Variants in CHRM2 observed in about 807,000 individuals in gnomAD.
The protein encoded by CHRM2 is cholinergic receptor muscarinic 2.
A neutral mutation model predicts 25.0 loss-of-function variants in CHRM2; 8 were observed. That is an observed-to-expected ratio of 0.32 (90% CI 0.19 to 0.58). The LOEUF (loss-of-function observed/expected upper bound fraction) is 0.58. CHRM2 is among the 20% of genes least tolerant of loss of function. CHRM2 has a pLI of 0.88. For synonymous variants in CHRM2, 202 were observed against 205.7 expected, an observed-to-expected ratio of 0.98 and a Z score of 0.15; for missense variants, 440 against 567.1, an observed-to-expected ratio of 0.78 and a Z score of 2.28.
rs117629225 is a variant in CHRM2, at chr7:136,888,758, A to G, written c.-125+19340A>G. On this transcript the variant is annotated intron_variant, in intron 2 of 3. Transcript: ENST00000680005. ...AAAGAATATTGGCGTGCTTGTTCCA[A>G]TTAAAAGTAATTACCAATTCAATCA... Among the ~76,000 whole-genome samples, 487 of 152,300 alleles carry G rather than the reference A, an allele frequency of 3.2e-3. 6 individuals are homozygous for G. The East Asian group carries it at 0.039, about 12-fold the overall frequency.
chr7:136,925,636 T>A (rs1246077161), intron 2 of CHRM2, among the ~76,000 whole-genome samples: 1 of 151,956 alleles, frequency 6.6e-6, no homozygotes, highest in Non-Finnish European at 1.5e-5. Flanking sequence ...TAAGAGAGGA[T>A]CCCACCCCAT....
At chr7:136,943,014 C>A (rs915714964) in intron 2 of CHRM2, among the ~76,000 whole-genome samples, 2 of 152,120 alleles carry the variant, frequency 1.3e-5, no homozygotes, top group South Asian at 2.1e-4. Context: ...TAGAGGTCAA[C>A]AAGCCCAGCT....
rs185662453 is a variant in CHRM2 at position 136,932,926 on chromosome 7, A to C, written c.-124-59261A>C. ...GCACCTGTAGTCCCAGCTACTCAGG[A>C]GGCTGAGGCAGGAGAATCACTTAAA... On this transcript the variant is annotated intron_variant, in intron 2 of 3. Transcript: ENST00000680005. 1.8e-3 allele frequency among the ~76,000 whole-genome samples: 267 copies of C among 152,254 alleles called. 10 individuals are homozygous for C. The East Asian group carries it at 0.047, about 27-fold the overall frequency.
chr7:137,011,406 G>C (rs1438293041), intron 3 of CHRM2, among the ~76,000 whole-genome samples: 1 of 151,708 alleles, frequency 6.6e-6, no homozygotes, highest in Non-Finnish European at 1.5e-5. Flanking sequence ...AGCACCCTAG[G>C]GCTCCTGGTG....
At chr7:136,926,833 T>C (rs1322384554) in intron 2 of CHRM2, among the ~76,000 whole-genome samples, 1 of 152,206 alleles carries the variant, frequency 6.6e-6, no homozygotes, top group African/African-American at 2.4e-5. Flanking sequence ...AGCTGTCAGA[T>C]GTATGGAGAC....
intron 2 of CHRM2, among the ~76,000 whole-genome samples, chr7:136,900,892 C>A (rs1434702045): frequency 1.3e-5 from 2 of 151,870 alleles, no homozygotes; most frequent in Admixed American, 1.3e-4. Flanking sequence ...ACTGAAAGAT[C>A]TGAATGATAT....
intron 2 of CHRM2, among the ~76,000 whole-genome samples, chr7:136,956,530 A>G (rs1170260068): frequency 1.3e-5 from 2 of 152,184 alleles, no homozygotes; most frequent in South Asian, 2.1e-4. Flanking sequence ...CAATATGTAA[A>G]ACAGATACAA....
At chr7:136,941,857 C>T (rs1050432814) in intron 2 of CHRM2, among the ~76,000 whole-genome samples, 1 of 152,076 alleles carries the variant, frequency 6.6e-6, no homozygotes, top group Admixed American at 6.6e-5. Context: ...TTTAGAGGGA[C>T]AATTGTAGGG....
At chr7:136,916,447 T>C (rs1380803716) in intron 2 of CHRM2, among the ~76,000 whole-genome samples, 1 of 151,886 alleles carries the variant, frequency 6.6e-6, no homozygotes, top group African/African-American at 2.4e-5. Flanking sequence ...GATGCCCTCA[T>C]AATATGAATT....
At chr7:136,999,488 C>T (rs324635) in intron 3 of CHRM2, among the ~76,000 whole-genome samples, 1 of 151,608 alleles carries the variant, frequency 6.6e-6, no homozygotes, top group Non-Finnish European at 1.5e-5. Flanking sequence ...TGTTGGTGTG[C>T]TGCACCCATT....
chr7:136,935,220 GT>G (rs1799343793), intron 2 of CHRM2, among the ~76,000 whole-genome samples: 1 of 149,356 alleles, frequency 6.7e-6, no homozygotes. Context: ...GTTCAGGGGG[GT>G]AAACACATTG....
chr7:136,916,894 T>C (rs550803640), intron 2 of CHRM2, among the ~76,000 whole-genome samples: 1 of 151,792 alleles, frequency 6.6e-6, no homozygotes, highest in South Asian at 2.1e-4. Flanking sequence ...GTATACTTTC[T>C]TTAGTTATCG....
intron 2 of CHRM2, among the ~76,000 whole-genome samples, chr7:136,892,786 C>A (rs1796744878): frequency 6.6e-6 from 1 of 151,872 alleles, no homozygotes; most frequent in Admixed American, 6.6e-5. Context: ...TCTCCTGCCT[C>A]AGCCTCCTGG....
At chr7:136,955,797 T>TA (rs1800689628) in intron 2 of CHRM2, among the ~76,000 whole-genome samples, 1 of 152,202 alleles carries the variant, frequency 6.6e-6, no homozygotes, top group African/African-American at 2.4e-5. Context: ...ATGAAGTTGA[T>TA]AAAAAGTAAT....
At chr7:136,872,394 CCTT>C in intron 2 of CHRM2, among the ~76,000 whole-genome samples, 1 of 152,276 alleles carries the variant, frequency 6.6e-6, no homozygotes, top group East Asian at 1.9e-4. Flanking sequence ...TTCCCATGGT[CCTT>C]CAATTTTGGG....
intron 2 of CHRM2, among the ~76,000 whole-genome samples, chr7:136,944,683 AC>A (rs1262129113): frequency 6.6e-6 from 1 of 152,056 alleles, no homozygotes; most frequent in Non-Finnish European, 1.5e-5. Flanking sequence ...TCTGGTTGAC[AC>A]CCAGGTGTGG....
intron 2 of CHRM2, among the ~76,000 whole-genome samples, chr7:136,886,822 G>C (rs972445404): frequency 1.3e-5 from 2 of 152,152 alleles, no homozygotes; most frequent in African/African-American, 2.4e-5. Context: ...GCAGTGAGCT[G>C]TGATTGCACC....
chr7:136,996,192 A>C (rs1236009648), intron 3 of CHRM2, among the ~76,000 whole-genome samples: 1 of 151,984 alleles, frequency 6.6e-6, no homozygotes, highest in African/African-American at 2.4e-5. Flanking sequence ...TTTAAAGTAT[A>C]AAATATATAA....
intron 2 of CHRM2, among the ~76,000 whole-genome samples, chr7:136,967,351 C>T (rs953497425): frequency 2.6e-5 from 4 of 151,642 alleles, no homozygotes; most frequent in Admixed American, 6.6e-5. Context: ...ATAAAGTGGG[C>T]GTGATTTTCA....
Sources: gnomAD v4.1 joint callset for allele counts (sites outside exome capture counted in the v4.1 genomes callset) on GRCh38, gnomAD v4.1.1 for gene constraint, MANE v1.5 for transcripts, NCBI Gene and HGNC (gene_info 2026-07-23, HGNC 2026-07-21) for gene names.